Variants in VPS54 observed in about 807,000 individuals in gnomAD.
VPS54 encodes the protein vacuolar protein sorting-associated protein 54.
VPS54 carries 45 observed loss-of-function variants against 121.5 expected under a neutral mutation model. That is an observed-to-expected ratio of 0.37 (90% CI 0.29 to 0.47). The LOEUF (loss-of-function observed/expected upper bound fraction) is 0.47, where lower values mean the gene tolerates loss of function less well. Among genes scored for constraint, VPS54 ranks in the 20% least tolerant of loss-of-function variants. The probability of loss-of-function intolerance (pLI) is 0.99; values close to 1 mark genes in which losing one functional copy is unlikely to be tolerated. For synonymous variants in VPS54, 371 were observed against 385.8 expected, an observed-to-expected ratio of 0.96 and a Z score of 0.45; for missense variants, 1,090 against 1,131.4, an observed-to-expected ratio of 0.96 and a Z score of 0.52.
chr2:63,925,209 C>T (rs1215363524), intron 12 of VPS54, among the ~76,000 whole-genome samples: 1 of 152,114 alleles, frequency 6.6e-6, no homozygotes, highest in Non-Finnish European at 1.5e-5. Flanking sequence ...TCAAGACAAA[C>T]CAACAGAAAA....
intron 3 of VPS54, among the ~76,000 whole-genome samples, chr2:63,974,581 A>C (rs1676432856): frequency 6.6e-6 from 1 of 152,174 alleles, no homozygotes; most frequent in Admixed American, 6.5e-5. Context: ...TATATGAAAT[A>C]TCTCTCCATT....
chr2:63,981,725 T>C lies in VPS54; in HGVS notation c.299A>G (p.Asp100Gly), dbSNP rs1676810044. The C allele has an allele frequency of 6.2e-7, 1 of 1,613,750 alleles. No homozygotes were observed. The highest frequency in any genetic ancestry group is 8.5e-7 in the Non-Finnish European group (1 of 1,179,754). Residue 100 changes from aspartate (D) to glycine (G), a missense_variant, in exon 3 of 23, where the codon GAC (aspartate) becomes GGC (glycine). Around this residue, in one of 2 missense-constraint regions of VPS54, gnomAD observed 801 missense variants for 757.0 expected, o/e 1.06. Transcript: ENST00000272322. ...FTKTWGLDFV[D>G]TEVIPSFYLP... ...GTAGAATGAAGGTATGACTTCAGTG[T>C]CCACAAAGTCCAATCCCCATGTTTT...
At chr2:63,970,212 T>TATACACAC (rs1553480347) in intron 4 of VPS54, among the ~76,000 whole-genome samples, 4 of 113,692 alleles carry the variant, frequency 3.5e-5, no homozygotes, top group African/African-American at 1.2e-4. Context: ...AATATATATA[T>TATACACAC]ACACACACAC....
chr2:63,942,800 C>G (rs576299248), intron 10 of VPS54, among the ~76,000 whole-genome samples: 1 of 152,128 alleles, frequency 6.6e-6, no homozygotes, highest in African/African-American at 2.4e-5. Context: ...GCTTTATGAT[C>G]ATTGAATGAA....
At chr2:63,945,855 C>G (rs1674955167) in intron 9 of VPS54, among the ~76,000 whole-genome samples, 1 of 152,040 alleles carries the variant, frequency 6.6e-6, no homozygotes, top group African/African-American at 2.4e-5. Context: ...AAAATAAATG[C>G]TTAGATTTGA....
intron 1 of VPS54, among the ~76,000 whole-genome samples, chr2:63,997,506 G>A (rs540524920): frequency 7.2e-5 from 11 of 152,110 alleles, no homozygotes; most frequent in Non-Finnish European, 1.5e-4. Context: ...CACAGTAGCC[G>A]CTAATAATCC....
At chr2:63,979,478 T>C (rs1411636552) in intron 3 of VPS54, among the ~76,000 whole-genome samples, 1 of 152,088 alleles carries the variant, frequency 6.6e-6, no homozygotes, top group Admixed American at 6.5e-5. Flanking sequence ...TGACCTCAGG[T>C]GATCCACCCA....
At chr2:63,942,907 A>G (rs1221689813) in intron 10 of VPS54, among the ~76,000 whole-genome samples, 1 of 152,188 alleles carries the variant, frequency 6.6e-6, no homozygotes, top group East Asian at 1.9e-4. Flanking sequence ...TCTAACTACA[A>G]CTTTAAAAAT....
intron 1 of VPS54, among the ~76,000 whole-genome samples, chr2:63,995,696 C>T (rs1282068837): frequency 2.6e-5 from 4 of 152,184 alleles, no homozygotes; most frequent in African/African-American, 9.7e-5. Context: ...GCTTGGAGAT[C>T]GGGTAGTGAG....
chr2:63,954,648 C>T (rs563952325), intron 7 of VPS54, among the ~76,000 whole-genome samples: 79 of 152,126 alleles, frequency 5.2e-4, no homozygotes, highest in African/African-American at 1.8e-3. Flanking sequence ...GGCTGCTAAT[C>T]ATCAAAAGAG....
At chr2:64,018,470 A>G (rs1416773254) in intron 1 of VPS54, among the ~76,000 whole-genome samples, 1 of 152,200 alleles carries the variant, frequency 6.6e-6, no homozygotes, top group African/African-American at 2.4e-5. Flanking sequence ...TTCAAGCTAC[A>G]TTGCCAAAAT....
At chr2:63,974,352 T>G (rs1676421506) in intron 3 of VPS54, among the ~76,000 whole-genome samples, 1 of 152,250 alleles carries the variant, frequency 6.6e-6, no homozygotes. Flanking sequence ...TTACTGTAGC[T>G]TTATAGCAAA....
chr2:63,919,813 TATTAAGC>T, intron 15 of VPS54, 63 bp downstream of exon 15: 1 of 1,130,294 alleles, frequency 8.8e-7, no homozygotes, highest in Non-Finnish European at 1.2e-6. Flanking sequence ...ACTAAAGAAA[TATTAAGC>T]ATTAATACAA....
chr2:63,952,476 A>G (rs1460438500), intron 7 of VPS54, among the ~76,000 whole-genome samples: 1 of 152,204 alleles, frequency 6.6e-6, no homozygotes, highest in Non-Finnish European at 1.5e-5. Flanking sequence ...TGAAAAACAA[A>G]TCCTTAATAC....
At chr2:64,015,719 C>T (rs1258605744) in intron 1 of VPS54, among the ~76,000 whole-genome samples, 2 of 152,020 alleles carry the variant, frequency 1.3e-5, no homozygotes, top group African/African-American at 2.4e-5. Flanking sequence ...AAAAGGAAAC[C>T]TCCAACTGGC....
At position 63,983,883 on chromosome 2, in the gene VPS54, C is replaced by A. The variant is rs373126424; in HGVS notation, c.117G>T (p.Val39=). The change falls in exon 2 of 23, where the codon GTG becomes GTT. Residue 39 remains valine, a synonymous_variant. Transcript: ENST00000272322. ...CATTACCTGTGGGTTCCTTGGGACA[C>A]ACATCTGGCAGTGATGGCACAGGTC... ...HIRPVPSLPD[V]CPKEPTGDSH... is the part of the protein sequence containing the mutation. The A allele has an allele frequency of 1.5e-4, 242 of 1,604,502 alleles. No homozygotes were observed. The highest frequency in any genetic ancestry group is 1.9e-4 in the Non-Finnish European group (223 of 1,175,858).
rs190409872 is a variant in VPS54, at chr2:63,960,082, A to G, written c.1010+1976T>C. On this transcript the variant is annotated intron_variant, in intron 7 of 22. Transcript: ENST00000272322. ...CATGGTGGTGTGTGTTTTTAATCCC[A>G]TCTACTCAGGAGGCTGAGGTGAGAG... 2.2e-3 allele frequency among the ~76,000 whole-genome samples: 336 copies of G among 151,524 alleles called. 1 individual carries two copies. The highest frequency in any genetic ancestry group is 7.4e-3 in the African/African-American group (305 of 41,232).
chr2:63,950,242 C>T (rs761722745), intron 7 of VPS54, among the ~76,000 whole-genome samples: 5 of 152,178 alleles, frequency 3.3e-5, no homozygotes, highest in African/African-American at 4.8e-5. Context: ...ATAACAATGA[C>T]GGCATCTTCA....
intron 22 of VPS54, among the ~76,000 whole-genome samples, chr2:63,894,335 G>T (rs1672349925): frequency 6.6e-6 from 1 of 152,172 alleles, no homozygotes; most frequent in Non-Finnish European, 1.5e-5. Context: ...AAGATCTTCA[G>T]TATGGCATGG....
Sources: allele counts gnomAD v4.1 joint callset (sites outside exome capture counted in the v4.1 genomes callset), GRCh38; gene constraint gnomAD v4.1.1; regional missense constraint gnomAD v4.1.1; transcripts MANE v1.5; gene names NCBI Gene and HGNC (gene_info 2026-07-23, HGNC 2026-07-21).